Variants in CDIN1 observed in about 807,000 individuals in gnomAD.
CDIN1 encodes CDAN1-interacting nuclease 1.
Under a neutral mutation model 45.3 loss-of-function variants are expected in CDIN1, and 33 were observed. That is an observed-to-expected ratio of 0.73 (90% CI 0.55 to 0.97). The LOEUF (loss-of-function observed/expected upper bound fraction) is 0.97. CDIN1 is among the 50% of genes least tolerant of loss of function. The probability of loss-of-function intolerance (pLI) is 0.00; values close to 1 mark genes in which losing one functional copy is unlikely to be tolerated. For synonymous variants in CDIN1, 118 were observed against 124.4 expected (o/e 0.95, Z 0.34); for missense variants, 303 against 339.4 (o/e 0.89, Z 0.84).
chr15:36,733,906 G>A (rs992109829), intron 10 of CDIN1, among the ~76,000 whole-genome samples: 11 of 152,040 alleles, frequency 7.2e-5, no homozygotes, highest in African/African-American at 2.7e-4. Flanking sequence ...CTGGAAAATA[G>A]ATTTAATTAA....
At chr15:36,653,867 G>A (rs909116155) in intron 3 of CDIN1, among the ~76,000 whole-genome samples, 1 of 152,210 alleles carries the variant, frequency 6.6e-6, no homozygotes, top group Non-Finnish European at 1.5e-5. Context: ...GGAGACCTAA[G>A]TATTTACACC....
intron 5 of CDIN1, among the ~76,000 whole-genome samples, chr15:36,679,324 T>C (rs1336892070): frequency 6.6e-6 from 1 of 152,184 alleles, no homozygotes; most frequent in Admixed American, 6.5e-5. Flanking sequence ...AAATCAACTA[T>C]AACATCCCAA....
intron 4 of CDIN1, 80 bp from the exon 5 acceptor site, chr15:36,657,753 C>A: frequency 9.0e-7 from 1 of 1,116,088 alleles, no homozygotes; most frequent in Non-Finnish European, 1.3e-6. Context: ...TTGACTTATT[C>A]TTCAGTGTTG....
intron 10 of CDIN1, among the ~76,000 whole-genome samples, chr15:36,771,114 A>C (rs1396784696): frequency 6.6e-6 from 1 of 152,222 alleles, no homozygotes; most frequent in Non-Finnish European, 1.5e-5. Context: ...GACTGGAGGA[A>C]ACCCAGGCCA....
At chr15:36,625,881 T>G (rs1295215314) in intron 1 of CDIN1, among the ~76,000 whole-genome samples, 2 of 152,186 alleles carry the variant, frequency 1.3e-5, no homozygotes, top group Non-Finnish European at 2.9e-5. Flanking sequence ...CTTGTTGAAA[T>G]GTTGTCATTT....
intron 8 of CDIN1, chr15:36,705,082 T>C (rs1252207714): frequency 6.6e-6 from 1 of 152,166 alleles, no homozygotes; most frequent in Non-Finnish European, 1.5e-5. Flanking sequence ...GCCAGAGAAA[T>C]TAAACTTTCA....
chr15:36,790,871 G>A (rs867713498), intron 10 of CDIN1, among the ~76,000 whole-genome samples: 1 of 152,198 alleles, frequency 6.6e-6, no homozygotes, highest in Middle Eastern at 3.4e-3. Context: ...CTTTAGGTTC[G>A]GGGATCTATG....
intron 10 of CDIN1, among the ~76,000 whole-genome samples, chr15:36,766,759 T>C (rs978292851): frequency 3.3e-5 from 5 of 152,320 alleles, no homozygotes; most frequent in African/African-American, 1.2e-4. Flanking sequence ...CCATTTTTAA[T>C]AGGGTTACTT....
intron 10 of CDIN1, among the ~76,000 whole-genome samples, chr15:36,726,888 A>C (rs1457219954): frequency 6.6e-6 from 1 of 152,104 alleles, no homozygotes; most frequent in African/African-American, 2.4e-5. Context: ...ATTTCTATAC[A>C]TATCTTTCCT....
intron 10 of CDIN1, among the ~76,000 whole-genome samples, chr15:36,767,088 T>C (rs538500915): frequency 2.2e-4 from 34 of 152,302 alleles, no homozygotes; most frequent in African/African-American, 8.2e-4. Context: ...ATGTTTTTAA[T>C]TCACTTCGAG....
At chr15:36,784,596 AATCT>A (rs2054440650) in intron 10 of CDIN1, among the ~76,000 whole-genome samples, 1 of 152,170 alleles carries the variant, frequency 6.6e-6, no homozygotes, top group East Asian at 1.9e-4. Flanking sequence ...AGTGACGAAT[AATCT>A]ATCTTATTCT....
chr15:36,680,439 G>T (rs913286161), intron 5 of CDIN1, among the ~76,000 whole-genome samples: 2 of 152,184 alleles, frequency 1.3e-5, no homozygotes, highest in African/African-American at 2.4e-5. Flanking sequence ...GCTTTTGTTA[G>T]TGGGCCATAT....
At chr15:36,805,594 T>C (rs1342475949) in intron 10 of CDIN1, among the ~76,000 whole-genome samples, 5 of 152,180 alleles carry the variant, frequency 3.3e-5, no homozygotes, top group South Asian at 2.1e-4. Context: ...TTACACCTCT[T>C]CTACCATTTT....
intron 1 of CDIN1, chr15:36,626,701 G>A: frequency 4.7e-6 from 2 of 425,760 alleles, no homozygotes; most frequent in South Asian, 3.6e-5. Flanking sequence ...GGGAGGAGGT[G>A]CTATTCTGGT....
intron 10 of CDIN1, among the ~76,000 whole-genome samples, chr15:36,792,968 C>T (rs781083780): frequency 7.9e-5 from 12 of 152,220 alleles, no homozygotes; most frequent in South Asian, 2.1e-4. Flanking sequence ...TTTCCTGCAC[C>T]GTCCTGAAAG....
At chr15:36,758,216 C>T (rs189684576) in intron 10 of CDIN1, among the ~76,000 whole-genome samples, 1 of 152,136 alleles carries the variant, frequency 6.6e-6, no homozygotes, top group African/African-American at 2.4e-5. Context: ...TCAGAGCAGG[C>T]TAGAAAACTG....
intron 1 of CDIN1, chr15:36,640,730 T>A: frequency 2.7e-6 from 2 of 752,892 alleles, no homozygotes; most frequent in Non-Finnish European, 3.2e-6. Flanking sequence ...GCATTGCAAT[T>A]AAGTCTGTGC....
At chr15:36,688,357 A>G (rs544885538) in intron 5 of CDIN1, among the ~76,000 whole-genome samples, 5 of 152,178 alleles carry the variant, frequency 3.3e-5, no homozygotes, top group Admixed American at 2.6e-4. Context: ...TGTTTATTAT[A>G]TATTAGTTCT....
chr15:36,604,883 G>A (rs916286989), intron 1 of CDIN1, among the ~76,000 whole-genome samples: 2 of 152,064 alleles, frequency 1.3e-5, no homozygotes, highest in African/African-American at 4.8e-5. Flanking sequence ...ACATATATCA[G>A]CTGCCAAAGA....
Sources: allele counts gnomAD v4.1 joint callset (sites outside exome capture counted in the v4.1 genomes callset), GRCh38; gene constraint gnomAD v4.1.1; transcripts MANE v1.5; gene names NCBI Gene and HGNC (gene_info 2026-07-23, HGNC 2026-07-21).